The following SLC2A11 variants were observed in gnomAD, a reference collection of about 807,000 sequenced individuals.
SLC2A11 encodes the protein solute carrier family 2 member 11, also known as solute carrier family 2, facilitated glucose transporter member 11.
A neutral mutation model predicts 52.1 loss-of-function variants in SLC2A11; 43 were observed. That is an observed-to-expected ratio of 0.82 (90% CI 0.65 to 1.06). SLC2A11 has a LOEUF of 1.06. Ranked by LOEUF, SLC2A11 falls within the 50% of genes least tolerant of loss-of-function variation. The pLI is 0.00. For missense variants in SLC2A11, 582 were observed against 654.2 expected (o/e 0.89, Z 1.20); for synonymous variants, 261 against 277.6 (o/e 0.94, Z 0.59).
In SLC2A11 at chr22:23,877,184, C is replaced by T. The variant is rs374364918; in HGVS notation, c.545+13C>T. ...TGGTCGGACTCAGGTAAGCACCCCT[C>T]CCCCACATGCATTGAGTATTTCGGA... On this transcript the variant is annotated intron_variant, in intron 5 of 11. Transcript: ENST00000316185. The T allele has an allele frequency of 8.8e-5, 141 of 1,602,160 alleles. No homozygotes were observed. In the African/African-American group the frequency reaches 1.8e-3, roughly 20 times the overall value.
At chr22:23,857,051 C>T (rs2031852452), upstream of SLC2A11, 1 of 1,341,348 alleles carries the variant, frequency 7.5e-7, no homozygotes, top group Non-Finnish European at 1.0e-6. Flanking sequence ...GTCGGGGATA[C>T]CTGAACCAAA....
intron 6 of SLC2A11, chr22:23,880,771 A>G (rs1039187290): frequency 2.0e-5 from 3 of 152,062 alleles, no homozygotes; most frequent in Admixed American, 2.0e-4. Context: ...TGCTACGTTT[A>G]ATTAAATTTT....
At position 23,877,214 on chromosome 22, in the gene SLC2A11, C is replaced by G. The variant is rs377358163; in HGVS notation, c.545+43C>G. 1.9e-6 allele frequency: 3 copies of G among 1,577,884 alleles called. No homozygotes were observed. The African/African-American group carries it at 4.1e-5, about 21-fold the overall frequency. ...ACATGCATTGAGTATTTCGGAGATA[C>G]CAGTAAAAGCGTTTCTTCACCTAAA... On this transcript the variant is annotated intron_variant, in intron 5 of 11. Coordinates refer to ENST00000316185, the MANE Select transcript of SLC2A11 (RefSeq NM_001024939.4).
intron 3 of SLC2A11, chr22:23,873,032 T>C (rs897117728): frequency 2.0e-5 from 3 of 151,996 alleles, no homozygotes; most frequent in African/African-American, 7.3e-5. Context: ...ATCCTTTTTA[T>C]TTTTTTTGCG....
At chr22:23,858,187 AG>A in intron 1 of SLC2A11, 158 bp downstream of exon 1, 1 of 1,136,706 alleles carries the variant, frequency 8.8e-7, no homozygotes, top group Non-Finnish European at 1.3e-6. Flanking sequence ...TGCTAGGCTC[AG>A]ATGTGCATAG....
intron 1 of SLC2A11, among the ~76,000 whole-genome samples, chr22:23,861,788 AAC>A (rs1242920459): frequency 6.6e-6 from 1 of 152,226 alleles, no homozygotes; most frequent in African/African-American, 2.4e-5. Flanking sequence ...GTCTTCCCCA[AAC>A]ACAGCAGACG....
At chr22:23,878,280 C>A (rs567013192) in intron 6 of SLC2A11, among the ~76,000 whole-genome samples, 5 of 131,716 alleles carry the variant, frequency 3.8e-5, no homozygotes, top group Admixed American at 2.0e-4. Context: ...TTTACTGCTT[C>A]TTTTATTCAT....
intron 2 of SLC2A11, chr22:23,865,676 A>G (rs571278278): frequency 1.3e-5 from 2 of 152,386 alleles, no homozygotes; most frequent in African/African-American, 4.8e-5. Context: ...TTGTCCTAAC[A>G]GGATTCTTGT....
At chr22:23,877,253 C>T in intron 5 of SLC2A11, 82 bp downstream of exon 5, 1 of 1,566,762 alleles carries the variant, frequency 6.4e-7, no homozygotes, top group Non-Finnish European at 8.7e-7. Context: ...CTCCCCTACC[C>T]ACTAGTAGAT....
chr22:23,862,067 G>A, intron 1 of SLC2A11, 37 bp from the exon 2 acceptor site: 1 of 1,572,812 alleles, frequency 6.4e-7, no homozygotes, highest in Non-Finnish European at 8.8e-7. Flanking sequence ...GGTGGAGGCT[G>A]TTGTTGGTCA....
intron 6 of SLC2A11, chr22:23,882,099 CAG>C (rs2032826168): frequency 3.1e-6 from 1 of 317,946 alleles, no homozygotes; most frequent in Non-Finnish European, 5.7e-6. Flanking sequence ...CACACAGAGA[CAG>C]AGAGATTGAG....
intron 3 of SLC2A11, 182 bp downstream of exon 3, chr22:23,868,823 G>A: frequency 1.5e-6 from 1 of 666,674 alleles, no homozygotes; most frequent in Non-Finnish European, 2.5e-6. Flanking sequence ...GTTTGGTAGA[G>A]CAAACAGTCC....
At chr22:23,864,723 C>G (rs1268332513) in intron 2 of SLC2A11, among the ~76,000 whole-genome samples, 2 of 152,244 alleles carry the variant, frequency 1.3e-5, no homozygotes, top group East Asian at 3.8e-4. Flanking sequence ...TTACCTCCCA[C>G]AGCCATCACC....
At position 23,868,473 on chromosome 22, in the gene SLC2A11, G is replaced by A. The variant is rs757393852; in HGVS notation, c.130-8G>A. 1 of 1,614,040 alleles carries A rather than the reference G, an allele frequency of 6.2e-7. No individual in the cohort carries two copies. The highest frequency in any genetic ancestry group is 1.7e-5 in the Admixed American group (1 of 60,020). The stretch of plus-strand genomic sequence containing the variant: ...CCCCAGAAGGCTGACTGGCATTTCT[G>A]TCCACAGCACATTCAGGAATTCACC... On this transcript the variant is annotated splice_polypyrimidine_tract_variant and splice_region_variant and intron_variant, in intron 2 of 11. Coordinates refer to ENST00000316185, the MANE Select transcript of SLC2A11 (RefSeq NM_001024939.4).
At position 23,884,191 on chromosome 22, in the gene SLC2A11, C is replaced by T. The variant is rs1226934096; in HGVS notation, c.1172-111C>T. The T allele has an allele frequency of 3.4e-6, 5 of 1,484,760 alleles. No homozygotes were observed. The highest frequency in any genetic ancestry group is 4.5e-6 in the Non-Finnish European group (5 of 1,117,306). The allele number at this position is 1,484,760 out of a possible 1,614,324, so 92.0% of individuals were successfully genotyped here. A position where few individuals can be genotyped will look rare whatever the true frequency, so the allele number is the denominator to read the frequency against. On this transcript the variant is annotated intron_variant, in intron 10 of 11. Transcript: ENST00000316185. The surrounding 1 kb of genome is among the most constrained non-coding windows in gnomAD (Gnocchi z 4.3). ...ATGGCAGGAGGAGAGCACTGAGGGG[C>T]CCCCCATACAGACTGGGCCTGGGCT...
intron 5 of SLC2A11, 185 bp from the exon 6 acceptor site, chr22:23,877,536 G>A (rs1159536365): frequency 2.4e-6 from 2 of 834,920 alleles, no homozygotes; most frequent in Non-Finnish European, 4.0e-6. Context: ...TGGGGCAGTG[G>A]CCCTGTCCTC....
chr22:23,872,834 CT>C (rs1209415732), intron 3 of SLC2A11: 1 of 152,178 alleles, frequency 6.6e-6, no homozygotes, highest in African/African-American at 2.4e-5. Context: ...TGGCAGCCCC[CT>C]ATCTCGTTAT....
intron 8 of SLC2A11, chr22:23,883,124 T>C: frequency 5.9e-6 from 3 of 505,786 alleles, no homozygotes; most frequent in Non-Finnish European, 1.1e-5. Flanking sequence ...TATCCCGGCG[T>C]GGTGGCGGGC....
chr22:23,857,782 G>T (rs771270904), upstream of SLC2A11: 1,368 of 1,434,902 alleles, frequency 9.5e-4, 3 homozygotes, highest in Admixed American at 1.2e-3. Context: ...CCCTCAGCTG[G>T]TGCGGCCGCT....
Sources: allele counts gnomAD v4.1 joint callset (sites outside exome capture counted in the v4.1 genomes callset), GRCh38; gene constraint gnomAD v4.1.1; non-coding constraint Gnocchi (gnomAD v3.1); transcripts MANE v1.5; gene names NCBI Gene and HGNC (gene_info 2026-07-23, HGNC 2026-07-21).